SNRNP200: variants seen among roughly 807,000 people sequenced by gnomAD.
The protein encoded by SNRNP200 is small nuclear ribonucleoprotein U5 subunit 200.
In SNRNP200, 66 loss-of-function variants were observed where a neutral mutation model predicts 255.2. The ratio of observed to expected loss-of-function variants is 0.26; its 90% CI spans 0.21 to 0.32. SNRNP200 has a LOEUF of 0.32. Among genes scored for constraint, SNRNP200 ranks in the 10% least tolerant of loss-of-function variants. The probability of loss-of-function intolerance (pLI) is 1.00; values close to 1 mark genes in which losing one functional copy is unlikely to be tolerated. For synonymous variants in SNRNP200, 939 were observed against 1,027.8 expected (o/e 0.91, Z 1.65); for missense variants, 1,585 against 2,749.8 (o/e 0.58, Z 9.47).
rs892817344 is a variant in SNRNP200, at chr2:96,292,938, G to A, written c.2160+34C>T. 4.3e-6 allele frequency: 7 copies of A among 1,611,016 alleles called. No homozygotes were observed. In the African/African-American group the frequency reaches 9.3e-5, roughly 21 times the overall value. On this transcript the variant is annotated intron_variant, in intron 16 of 44. Coordinates refer to ENST00000323853, the MANE Select transcript of SNRNP200 (RefSeq NM_014014.5). Reference sequence around the variant, plus strand: ...TGGTGAATCAAACATTCGAAAGAATGGGGTTCAAGAGTAACCATAAACCAC... The same window carrying A: ...TGGTGAATCAAACATTCGAAAGAATAGGGTTCAAGAGTAACCATAAACCAC...
At chr2:96,285,092 G>A in intron 30 of SNRNP200, 88 bp downstream of exon 30, 1 of 1,497,030 alleles carries the variant, frequency 6.7e-7, no homozygotes, top group Non-Finnish European at 9.3e-7. Flanking sequence ...AAATGACCCT[G>A]CAAATTTCAG....
At position 96,287,401 on chromosome 2, in the gene SNRNP200, C is replaced by G; in HGVS notation, c.3484+38G>C. On this transcript the variant is annotated intron_variant, in intron 26 of 44. Coordinates refer to ENST00000323853, the MANE Select transcript of SNRNP200 (RefSeq NM_014014.5). The surrounding 1 kb of genome is among the most constrained non-coding windows in gnomAD (Gnocchi z 5.7). ...TACATAGGCAAACTGGGAGAGACAC[C>G]CAGGCAGTGAGGACAAGGGCGAGAG... 6.9e-7 allele frequency: 1 copy of G among 1,456,192 alleles called. No individual in the cohort carries two copies. Among genetic ancestry groups the G allele is most frequent in the Non-Finnish European group, 9.7e-7 (1 of 1,036,166 alleles). 90.2% of individuals were successfully genotyped at this position (1,456,192 alleles called of 1,614,324 possible).
chr2:96,278,911 C>T lies in SNRNP200; in HGVS notation c.5221G>A (p.Val1741Ile), dbSNP rs1218328493. 1.9e-6 allele frequency: 3 copies of T among 1,614,082 alleles called. No homozygotes were observed. Among genetic ancestry groups the T allele is most frequent in the East Asian group, 2.2e-5 (1 of 44,880 alleles). ...CMHDHFNAEI[V>I]TKTIENKQDA... ...TGCTTGTTCTCAATGGTCTTGGTGA[C>T]GATCTCAGCATTGAAGTGGTCATGC... Residue 1741 changes from valine to isoleucine, a missense_variant, in exon 37 of 45, where the codon GTC becomes ATC. By Grantham distance (29) the Val-to-Ile change is conservative. Around this residue, in one of 9 missense-constraint regions of SNRNP200, gnomAD observed 279 missense variants for 551.2 expected, o/e 0.51. Transcript: ENST00000323853. This position sits in a 1 kb window ranked among gnomAD's most constrained non-coding sequence, Gnocchi z 6.9.
intron 36 of SNRNP200, 188 bp from the exon 37 acceptor site, chr2:96,279,186 A>G (rs1684718999): frequency 1.5e-6 from 1 of 664,604 alleles, no homozygotes; most frequent in Non-Finnish European, 2.7e-6. Flanking sequence ...ACAGCAAGTC[A>G]CGAGGGCAGA....
chr2:96,287,905 G>GT lies in SNRNP200; in HGVS notation c.3322dup (p.Thr1108AsnfsTer30). The GT allele has an allele frequency of 6.2e-7, 1 of 1,614,234 alleles. No individual in the cohort carries two copies. Among genetic ancestry groups the GT allele is most frequent in the Non-Finnish European group, 8.5e-7 (1 of 1,180,040 alleles). On this transcript the variant is annotated frameshift_variant, in exon 25 of 45. Transcript: ENST00000323853. LOFTEE classifies it high-confidence loss of function. This position sits in a 1 kb window ranked among gnomAD's most constrained non-coding sequence, Gnocchi z 5.7. ...CTTGCAGAGGTTCAGGGTCTTGTCTGTAAGCTGTGCCCAACCTCGGTTCAG... is the reference window on the plus strand; with the variant it reads ...CTTGCAGAGGTTCAGGGTCTTGTCTGTTAAGCTGTGCCCAACCTCGGTTCAG...
intron 2 of SNRNP200, 21 bp downstream of exon 2, chr2:96,304,684 T>A (rs202091072): frequency 1.1e-5 from 17 of 1,613,884 alleles, no homozygotes. Flanking sequence ...AAGGAAAAAA[T>A]AGTATCCCCT....
intron 6 of SNRNP200, 147 bp downstream of exon 6, chr2:96,299,182 T>C (rs1250890975): frequency 2.1e-6 from 2 of 966,418 alleles, no homozygotes; most frequent in African/African-American, 1.6e-5. Flanking sequence ...CGACAGAAAT[T>C]TTAAGAAACT....
Position 96,286,591 on chromosome 2 carries a change from T to C in SNRNP200, c.3829+97A>G, listed in dbSNP as rs1021397598. ...AACCTAGGCAGCATATGTATCACTCTGTCCCCAGCAAGGGCAAGCCCGGGA... is the reference window on the plus strand; with the variant it reads ...AACCTAGGCAGCATATGTATCACTCCGTCCCCAGCAAGGGCAAGCCCGGGA... On this transcript the variant is annotated intron_variant, in intron 28 of 44. Coordinates refer to ENST00000323853, the MANE Select transcript of SNRNP200 (RefSeq NM_014014.5). This position sits in a 1 kb window ranked among gnomAD's most constrained non-coding sequence, Gnocchi z 4.8. The C allele has an allele frequency of 1.3e-6, 2 of 1,588,810 alleles. No individual in the cohort carries two copies. The highest frequency in any genetic ancestry group is 1.7e-5 in the Admixed American group (1 of 58,446).
chr2:96,291,338 C>T lies in SNRNP200; in HGVS notation c.2421+54G>A, dbSNP rs987058209. On this transcript the variant is annotated intron_variant, in intron 18 of 44. Coordinates refer to ENST00000323853, the MANE Select transcript of SNRNP200 (RefSeq NM_014014.5). The surrounding 1 kb of genome is among the most constrained non-coding windows in gnomAD (Gnocchi z 4.2). ...AAACATGGCACAAACTTGACATTGC[C>T]CATCTTCTGAAGTATGTCCCACCTG... is the stretch of plus-strand genomic sequence containing the variant. The T allele has an allele frequency of 2.4e-5, 24 of 991,842 alleles. No homozygotes were observed. The highest frequency in any genetic ancestry group is 4.1e-4 in the Middle Eastern group (2 of 4,850). 61.4% of individuals were successfully genotyped at this position (991,842 alleles called of 1,614,324 possible).
In SNRNP200 at chr2:96,283,359, G is replaced by A. The variant is rs373115088; in HGVS notation, c.4764-7C>T. The A allele has an allele frequency of 4.5e-5, 73 of 1,613,926 alleles. 1 individual carries two copies. The highest frequency in any genetic ancestry group is 2.4e-4 in the South Asian group (22 of 91,076). On this transcript the variant is annotated splice_polypyrimidine_tract_variant and splice_region_variant and intron_variant, in intron 33 of 44. Coordinates refer to ENST00000323853, the MANE Select transcript of SNRNP200 (RefSeq NM_014014.5). This position sits in a 1 kb window ranked among gnomAD's most constrained non-coding sequence, Gnocchi z 4.7. ...CTCGGTGCAGTGCAAGAACCTGTGC[G>A]GTACAGGCACTGGCTCAGCTCAGAG... is the stretch of plus-strand genomic sequence containing the variant.
chr2:96,281,758 T>A (rs1684763120), intron 35 of SNRNP200, 56 bp downstream of exon 35: 2 of 1,310,976 alleles, frequency 1.5e-6, no homozygotes, highest in Non-Finnish European at 2.2e-6. Flanking sequence ...ATCTGCAGAT[T>A]CACATTCATT....
rs1453191857 is a variant in SNRNP200 at position 96,278,077 on chromosome 2, G to A, written c.5611-127C>T. ...CACCCTGAGGCATGTGGGTGGTAATGGGATGGAGATGGGTTTGAGGGAGGT... is the reference window on the plus strand; with the variant it reads ...CACCCTGAGGCATGTGGGTGGTAATAGGATGGAGATGGGTTTGAGGGAGGT... On this transcript the variant is annotated intron_variant, in intron 39 of 44. Transcript: ENST00000323853. This position sits in a 1 kb window ranked among gnomAD's most constrained non-coding sequence, Gnocchi z 6.9. 4 of 1,530,826 alleles carry A rather than the reference G, an allele frequency of 2.6e-6. No homozygotes were observed. Among genetic ancestry groups the A allele is most frequent in the African/African-American group, 1.4e-5 (1 of 73,098 alleles). The allele number at this position is 1,530,826 out of a possible 1,614,324, so 94.8% of individuals were successfully genotyped here.
At chr2:96,296,844 AG>A (rs1355022856) in intron 12 of SNRNP200, 88 bp downstream of exon 12, 16 of 1,331,864 alleles carry the variant, frequency 1.2e-5, no homozygotes, top group African/African-American at 3.0e-5. Context: ...ACAAAGAATT[AG>A]GGGGTGGGGG....
intron 5 of SNRNP200, among the ~76,000 whole-genome samples, chr2:96,299,692 C>T (rs1398258063): frequency 1.3e-5 from 2 of 152,182 alleles, no homozygotes; most frequent in Non-Finnish European, 2.9e-5. Context: ...CTCTCTAATA[C>T]ACACACAATC....
chr2:96,304,651 AAAGGG>A, intron 2 of SNRNP200, 49 bp downstream of exon 2: 1 of 1,609,372 alleles, frequency 6.2e-7, no homozygotes, highest in Non-Finnish European at 8.5e-7. Context: ...CTCGAATGTT[AAAGGG>A]AAGAGACTTT....
At position 96,289,261 on chromosome 2, in the gene SNRNP200, A is replaced by C. The variant is rs1399957475; in HGVS notation, c.3059T>G (p.Leu1020Trp). 1 of 1,614,224 alleles carries C rather than the reference A, an allele frequency of 6.2e-7. No homozygotes were observed. Among genetic ancestry groups the C allele is most frequent in the Admixed American group, 1.7e-5 (1 of 60,032 alleles). ...SEIELFRVFS[L>W]SSEFKNITVR... ...TGTGATGTTCTTGAACTCAGAGGAC[A>C]ATGAGAAGACCCTGAAAAGCTCAAT... Residue 1020 changes from leucine to tryptophan, a missense_variant, in exon 22 of 45, where the codon TTG (leucine) becomes TGG (tryptophan). By Grantham distance (61) the Leu-to-Trp change is moderately conservative. This residue lies in a region of SNRNP200 where 719 missense variants were observed against 1,091.1 expected (regional missense o/e 0.66). Coordinates refer to ENST00000323853, the MANE Select transcript of SNRNP200 (RefSeq NM_014014.5).
At position 96,283,034 on chromosome 2, in the gene SNRNP200, C is replaced by T. The variant is rs893285092; in HGVS notation, c.4915+167G>A. ...GGGATAGTGTTTGTCTCACCTGCCT[C>T]ACGAGGTTCTTGGGAGGATCAAATG... On this transcript the variant is annotated intron_variant, in intron 34 of 44. Coordinates refer to ENST00000323853, the MANE Select transcript of SNRNP200 (RefSeq NM_014014.5). The surrounding 1 kb of genome is among the most constrained non-coding windows in gnomAD (Gnocchi z 4.7). 2 of 834,952 alleles carry T rather than the reference C, an allele frequency of 2.4e-6. No homozygotes were observed. The highest frequency in any genetic ancestry group is 2.0e-5 in the Admixed American group (1 of 50,004). The allele number at this position is 834,952 out of a possible 1,614,324, so 51.7% of individuals were successfully genotyped here. A position where few individuals can be genotyped will look rare whatever the true frequency, so the allele number is the denominator to read the frequency against.
At position 96,278,540 on chromosome 2, in the gene SNRNP200, G is replaced by A. The variant is rs781342721; in HGVS notation, c.5488+7C>T. 4 of 1,613,718 alleles carry A rather than the reference G, an allele frequency of 2.5e-6. No individual in the cohort carries two copies. In the African/African-American group the frequency reaches 4.0e-5, roughly 16 times the overall value. On this transcript the variant is annotated splice_region_variant and intron_variant, in intron 38 of 44. Coordinates refer to ENST00000323853, the MANE Select transcript of SNRNP200 (RefSeq NM_014014.5). The surrounding 1 kb of genome is among the most constrained non-coding windows in gnomAD (Gnocchi z 6.9). Reference sequence around the variant, plus strand: ...ACAGACAGGACACGGGCCATGCCGGGCCTCACCAATGGTGGTGTAGTTGAT... The same window carrying A: ...ACAGACAGGACACGGGCCATGCCGGACCTCACCAATGGTGGTGTAGTTGAT...
rs1329456182 is a variant in SNRNP200, at chr2:96,278,519, A to C, written c.5488+28T>G. On this transcript the variant is annotated intron_variant, in intron 38 of 44. Transcript: ENST00000323853. The surrounding 1 kb of genome is among the most constrained non-coding windows in gnomAD (Gnocchi z 6.9). ...GACCCGTGTAAAAAGGCTCCCACAGACAGGACACGGGCCATGCCGGGCCTC... is the reference window on the plus strand; with the variant it reads ...GACCCGTGTAAAAAGGCTCCCACAGCCAGGACACGGGCCATGCCGGGCCTC... The C allele has an allele frequency of 6.2e-7, 1 of 1,613,336 alleles. No homozygotes were observed.
Sources: allele counts gnomAD v4.1 joint callset (sites outside exome capture counted in the v4.1 genomes callset), GRCh38; gene constraint gnomAD v4.1.1; regional missense constraint gnomAD v4.1.1; non-coding constraint Gnocchi (gnomAD v3.1); transcripts MANE v1.5; gene names NCBI Gene and HGNC (gene_info 2026-07-23, HGNC 2026-07-21).